PTPRT: variants seen among roughly 807,000 people sequenced by gnomAD.
PTPRT encodes receptor-type tyrosine-protein phosphatase T.
PTPRT carries 56 observed loss-of-function variants against 176.8 expected under a neutral mutation model. That is an observed-to-expected ratio of 0.32 (90% CI 0.26 to 0.40). PTPRT has a LOEUF of 0.40. Among genes scored for constraint, PTPRT ranks in the 10% least tolerant of loss-of-function variants. PTPRT has a pLI of 1.00. For missense variants in PTPRT, 1,540 were observed against 1,908.2 expected (o/e 0.81, Z 3.60); for synonymous variants, 783 against 739.0 (o/e 1.06, Z -0.96).
At chr20:42,624,304 T>G (rs529842889) in intron 7 of PTPRT, among the ~76,000 whole-genome samples, 1 of 152,344 alleles carries the variant, frequency 6.6e-6, no homozygotes, top group South Asian at 2.1e-4. Flanking sequence ...GTAGTTCTGT[T>G]GTGATTCAAC....
intron 17 of PTPRT, among the ~76,000 whole-genome samples, chr20:42,157,741 C>T (rs970662619): frequency 2.6e-5 from 4 of 152,166 alleles, no homozygotes; most frequent in Non-Finnish European, 5.9e-5. Context: ...TTTTTACCTG[C>T]TTACAACCAA....
chr20:42,771,755 AC>A (rs2077066711), intron 4 of PTPRT, among the ~76,000 whole-genome samples: 1 of 152,308 alleles, frequency 6.6e-6, no homozygotes, highest in South Asian at 2.1e-4. Context: ...CTGAAACCTC[AC>A]AGAAATCCAT....
At chr20:42,801,395 C>T (rs2077529392) in intron 2 of PTPRT, among the ~76,000 whole-genome samples, 1 of 152,206 alleles carries the variant, frequency 6.6e-6, no homozygotes, top group African/African-American at 2.4e-5. Context: ...ATCCCTAACT[C>T]CACTGGTACC....
chr20:42,706,633 G>A (rs1451603629), intron 6 of PTPRT, among the ~76,000 whole-genome samples: 11 of 152,078 alleles, frequency 7.2e-5, no homozygotes, highest in African/African-American at 2.2e-4. Context: ...AGAAAGAATT[G>A]TTATGTGCAA....
chr20:43,110,326 T>A (rs1337504306), intron 1 of PTPRT, among the ~76,000 whole-genome samples: 1 of 152,220 alleles, frequency 6.6e-6, no homozygotes, highest in African/African-American at 2.4e-5. Flanking sequence ...AAGTTCCCGA[T>A]GACCCAACAC....
chr20:42,831,476 T>C (rs965708352), intron 2 of PTPRT, among the ~76,000 whole-genome samples: 1 of 152,062 alleles, frequency 6.6e-6, no homozygotes, highest in Non-Finnish European at 1.5e-5. Context: ...ACAGCAAAGA[T>C]TTCATGACAA....
intron 7 of PTPRT, among the ~76,000 whole-genome samples, chr20:42,502,687 A>C (rs2071773186): frequency 6.6e-6 from 1 of 152,042 alleles, no homozygotes; most frequent in South Asian, 2.1e-4. Context: ...TTTACTCATC[A>C]ATTCTCCAGA....
At chr20:42,774,634 C>T (rs1343289104) in intron 4 of PTPRT, among the ~76,000 whole-genome samples, 1 of 152,220 alleles carries the variant, frequency 6.6e-6, no homozygotes, top group Non-Finnish European at 1.5e-5. Context: ...AAGTCCTCTG[C>T]AACAATTTCC....
At chr20:42,355,517 T>C (rs1445018346) in intron 9 of PTPRT, among the ~76,000 whole-genome samples, 1 of 152,166 alleles carries the variant, frequency 6.6e-6, no homozygotes, top group African/African-American at 2.4e-5. Flanking sequence ...TTCTAGCTTC[T>C]AGGCAGAGGG....
At chr20:42,739,169 C>T (rs1362613138) in intron 6 of PTPRT, among the ~76,000 whole-genome samples, 4 of 152,296 alleles carry the variant, frequency 2.6e-5, no homozygotes, top group Admixed American at 1.3e-4. Flanking sequence ...TGTGCAGGCT[C>T]GACCCCTGCA....
At chr20:42,937,483 C>T (rs972053463) in intron 1 of PTPRT, among the ~76,000 whole-genome samples, 11 of 152,248 alleles carry the variant, frequency 7.2e-5, no homozygotes, top group Admixed American at 2.0e-4. Context: ...CTCATGACCC[C>T]ATAAAGCAGC....
At chr20:42,653,517 G>A (rs1205783898) in intron 7 of PTPRT, among the ~76,000 whole-genome samples, 2 of 152,172 alleles carry the variant, frequency 1.3e-5, no homozygotes, top group Admixed American at 6.5e-5. Context: ...CATGGCAGCA[G>A]GCAGCTAAGG....
intron 2 of PTPRT, among the ~76,000 whole-genome samples, chr20:42,809,724 T>C (rs990808817): frequency 3.9e-5 from 6 of 152,170 alleles, no homozygotes; most frequent in African/African-American, 1.4e-4. Flanking sequence ...CTTCTCCTCA[T>C]GCCTCGCATT....
rs115125113 is a variant in PTPRT at position 42,728,550 on chromosome 20, G to C, written c.859+27912C>G. On this transcript the variant is annotated intron_variant, in intron 6 of 30. Transcript: ENST00000373187. The stretch of plus-strand genomic sequence containing the variant: ...TAAGAGCATCCAACATTGACTAGCA[G>C]TTACCTCTAGTTCATTCCACCAAGC... Among the ~76,000 whole-genome samples, 1,359 of 152,266 alleles carry C rather than the reference G, an allele frequency of 8.9e-3. 21 individuals carry two copies. The highest frequency in any genetic ancestry group is 0.031 in the African/African-American group (1,293 of 41,564).
At chr20:43,067,030 TCAAA>T (rs919211914) in intron 1 of PTPRT, among the ~76,000 whole-genome samples, 1 of 152,186 alleles carries the variant, frequency 6.6e-6, no homozygotes, top group African/African-American at 2.4e-5. Flanking sequence ...CAGTTTTCTT[TCAAA>T]CAAATATTCA....
chr20:42,099,825 C>A (rs1469778154), intron 26 of PTPRT, among the ~76,000 whole-genome samples: 1 of 147,882 alleles, frequency 6.8e-6, no homozygotes, highest in African/African-American at 2.5e-5. Context: ...GCTGGGGGGG[C>A]CCTTCTTCCG....
At chr20:42,661,651 G>C (rs1046607581) in intron 7 of PTPRT, among the ~76,000 whole-genome samples, 7 of 152,162 alleles carry the variant, frequency 4.6e-5, no homozygotes, top group African/African-American at 1.7e-4. Context: ...CATGGCCGTG[G>C]TGGATGGACA....
At chr20:42,504,034 C>A (rs1267494214) in intron 7 of PTPRT, among the ~76,000 whole-genome samples, 1 of 152,074 alleles carries the variant, frequency 6.6e-6, no homozygotes, top group Non-Finnish European at 1.5e-5. Context: ...TCCTTTTCAG[C>A]CCTTACCAAC....
chr20:43,078,105 G>A (rs529628971), intron 1 of PTPRT, among the ~76,000 whole-genome samples: 1 of 152,262 alleles, frequency 6.6e-6, no homozygotes, highest in African/African-American at 2.4e-5. Flanking sequence ...TCGGTTACAA[G>A]CTTCATCATA....
Sources: allele counts gnomAD v4.1 joint callset (sites outside exome capture counted in the v4.1 genomes callset), GRCh38; gene constraint gnomAD v4.1.1; transcripts MANE v1.5; gene names NCBI Gene and HGNC (gene_info 2026-07-23, HGNC 2026-07-21).